The following TSPAN12 variants were observed in gnomAD, a reference collection of about 807,000 sequenced individuals.
The protein encoded by TSPAN12 is tetraspanin-12.
In TSPAN12, 19 loss-of-function variants were observed where a neutral mutation model predicts 39.2. That is an observed-to-expected ratio of 0.49 (90% CI 0.34 to 0.71). The LOEUF (loss-of-function observed/expected upper bound fraction) is 0.71, where lower values mean the gene tolerates loss of function less well. TSPAN12 is among the 30% of genes least tolerant of loss of function. The pLI is 0.01. For missense variants in TSPAN12, 314 were observed against 359.9 expected, an observed-to-expected ratio of 0.87 and a Z score of 1.03; for synonymous variants, 119 against 124.8, an observed-to-expected ratio of 0.95 and a Z score of 0.31.
intron 4 of TSPAN12, among the ~76,000 whole-genome samples, chr7:120,826,644 C>T (rs1794293503): frequency 6.6e-6 from 1 of 152,132 alleles, no homozygotes; most frequent in African/African-American, 2.4e-5. Context: ...CGTGCCTCTC[C>T]CTCAGACCTA....
chr7:120,851,643 GCT>G (rs1244917329), intron 2 of TSPAN12, among the ~76,000 whole-genome samples: 1 of 152,084 alleles, frequency 6.6e-6, no homozygotes. Context: ...ATGGTAGAAA[GCT>G]CTCATTTCTT....
rs1338052403 is a variant in TSPAN12, at chr7:120,821,422, G to C, written c.286-5619C>G. Among the ~76,000 whole-genome samples, 7 of 142,166 alleles carry C rather than the reference G, an allele frequency of 4.9e-5. No homozygotes were observed. The East Asian group carries it at 7.9e-4, about 16-fold the overall frequency. The allele number at this position is 142,166 out of a possible 152,430, so 93.3% of individuals were successfully genotyped here. On this transcript the variant is annotated intron_variant, in intron 4 of 7. Coordinates refer to ENST00000222747, the MANE Select transcript of TSPAN12 (RefSeq NM_012338.4). ...AAAACAATGTACGTGAAATTGTCTTGTTGACTTAAAAAAAAAAAAAGCTGT... is the reference window on the plus strand; with the variant it reads ...AAAACAATGTACGTGAAATTGTCTTCTTGACTTAAAAAAAAAAAAAGCTGT...
chr7:120,811,433 C>T (rs1399727073), intron 5 of TSPAN12, among the ~76,000 whole-genome samples: 1 of 152,048 alleles, frequency 6.6e-6, no homozygotes, highest in African/African-American at 2.4e-5. Context: ...CTTTGGGAGG[C>T]CAAGACGGGC....
At chr7:120,835,904 T>C (rs1794467270) in intron 4 of TSPAN12, among the ~76,000 whole-genome samples, 1 of 152,176 alleles carries the variant, frequency 6.6e-6, no homozygotes, top group African/African-American at 2.4e-5. Context: ...AGAAAGTTTG[T>C]TCAGGGGTCA....
At chr7:120,840,300 A>G (rs1794552760) in intron 2 of TSPAN12, among the ~76,000 whole-genome samples, 191 bp from the exon 3 acceptor site, 1 of 152,220 alleles carries the variant, frequency 6.6e-6, no homozygotes, top group African/African-American at 2.4e-5. Flanking sequence ...ACCAAATGGA[A>G]TACCACCCAA....
In TSPAN12 at chr7:120,809,246, C is replaced by T. The variant is rs553446948; in HGVS notation, c.468+1217G>A. On this transcript the variant is annotated intron_variant, in intron 6 of 7. Transcript: ENST00000222747. ...AGGTGCAGCTTCCATCAGAAAAAAA[C>T]TCACTTTGTTTTTTAACCTGGATTA... Among the ~76,000 whole-genome samples the T allele has an allele frequency of 4.1e-4, 63 of 152,174 alleles. No individual in the cohort carries two copies. The Middle Eastern group carries it at 0.017, about 41-fold the overall frequency.
chr7:120,839,161 T>C (rs1381383647), intron 3 of TSPAN12, among the ~76,000 whole-genome samples: 1 of 152,206 alleles, frequency 6.6e-6, no homozygotes, highest in Non-Finnish European at 1.5e-5. Flanking sequence ...CCCCAACTCA[T>C]TTAACATATA....
rs1210841317 is a variant in TSPAN12 at position 120,806,608 on chromosome 7, C to T, written c.553G>A (p.Glu185Lys). ...DWPPDSCCVR[E>K]FPGCSKQAHQ... is the part of the protein sequence containing the mutation. ...GCCTGTTTGGAACATCCTGGGAATT[C>T]TCTAACACAGCAGGAATCTGGGGGC... is the stretch of plus-strand genomic sequence containing the variant. Residue 185 changes from glutamate (E) to lysine (K), a missense_variant, in exon 7 of 8, where the codon GAA becomes AAA. By Grantham distance (56) the Glu-to-Lys change is moderately conservative. Transcript: ENST00000222747. 1.9e-6 allele frequency: 3 copies of T among 1,613,446 alleles called. No homozygotes were observed. The highest frequency in any genetic ancestry group is 2.7e-5 in the African/African-American group (2 of 74,860).
At chr7:120,811,934 A>C (rs1376523017) in intron 5 of TSPAN12, among the ~76,000 whole-genome samples, 2 of 152,254 alleles carry the variant, frequency 1.3e-5, no homozygotes, top group African/African-American at 2.4e-5. Context: ...ATAAAAGACT[A>C]CACATTGGGT....
intron 5 of TSPAN12, among the ~76,000 whole-genome samples, chr7:120,814,801 T>G (rs79132643): frequency 6.6e-6 from 1 of 152,070 alleles, no homozygotes; most frequent in Admixed American, 6.5e-5. Flanking sequence ...GATAAAAAAA[T>G]GATGAATAGC....
At chr7:120,857,142 G>T (rs374245596) in intron 1 of TSPAN12, 5 of 363,926 alleles carry the variant, frequency 1.4e-5, no homozygotes, top group African/African-American at 1.1e-4. Context: ...CTGATGAGAC[G>T]CTCTTGAAAA....
intron 7 of TSPAN12, among the ~76,000 whole-genome samples, chr7:120,795,841 C>A (rs557870192): frequency 6.6e-6 from 1 of 152,240 alleles, no homozygotes; most frequent in African/African-American, 2.4e-5. Flanking sequence ...AAAAAAGCAG[C>A]AAGCAATAAA....
At chr7:120,793,604 TTAAACTA>T (rs1210113407) in intron 7 of TSPAN12, among the ~76,000 whole-genome samples, 6 of 152,202 alleles carry the variant, frequency 3.9e-5, no homozygotes, top group African/African-American at 1.4e-4. Context: ...TCAGAATTCA[TTAAACTA>T]TATATTTTAT....
At chr7:120,855,216 ACT>A (rs1459081469) in intron 2 of TSPAN12, among the ~76,000 whole-genome samples, 3 of 152,218 alleles carry the variant, frequency 2.0e-5, no homozygotes, top group Admixed American at 6.5e-5. Flanking sequence ...AGTGAAAGAC[ACT>A]GTCTAGGGGC....
intron 2 of TSPAN12, among the ~76,000 whole-genome samples, chr7:120,842,390 T>C (rs752816149): frequency 1.3e-5 from 2 of 151,884 alleles, no homozygotes; most frequent in Non-Finnish European, 2.9e-5. Flanking sequence ...CCAGGCCTTC[T>C]TGGAACCTCT....
intron 7 of TSPAN12, among the ~76,000 whole-genome samples, chr7:120,804,397 C>T (rs1289867373): frequency 6.6e-6 from 1 of 152,072 alleles, no homozygotes; most frequent in African/African-American, 2.4e-5. Context: ...TCAGCTTTCA[C>T]CCAAAACAAA....
intron 2 of TSPAN12, among the ~76,000 whole-genome samples, chr7:120,841,365 T>C (rs2116474385): frequency 6.6e-6 from 1 of 151,948 alleles, no homozygotes; most frequent in Admixed American, 6.6e-5. Flanking sequence ...ATCAAGCATA[T>C]GAGAAATTTT....
chr7:120,835,284 A>C (rs1794456039), intron 4 of TSPAN12, among the ~76,000 whole-genome samples: 1 of 152,230 alleles, frequency 6.6e-6, no homozygotes, highest in Admixed American at 6.5e-5. Context: ...CGAGGTCTGA[A>C]TCCAAGCTCC....
intron 2 of TSPAN12, among the ~76,000 whole-genome samples, chr7:120,854,171 C>A (rs1794825270): frequency 6.6e-6 from 1 of 152,122 alleles, no homozygotes. Flanking sequence ...ATATTACCAA[C>A]AAGATGGCAA....
Sources: allele counts gnomAD v4.1 joint callset (sites outside exome capture counted in the v4.1 genomes callset), GRCh38; gene constraint gnomAD v4.1.1; transcripts MANE v1.5; gene names NCBI Gene and HGNC (gene_info 2026-07-23, HGNC 2026-07-21).